The following SEMA3D variants were observed in gnomAD, a reference collection of about 807,000 sequenced individuals.
The protein encoded by SEMA3D is semaphorin 3D, also known as semaphorin-3D.
SEMA3D carries 84 observed loss-of-function variants against 100.1 expected under a neutral mutation model. The observed-to-expected ratio is 0.84, with a 90% CI of 0.70 to 1.01. The LOEUF (loss-of-function observed/expected upper bound fraction) is 1.01. SEMA3D is among the 50% of genes least tolerant of loss of function. SEMA3D has a pLI of 0.00. For missense variants in SEMA3D, 875 were observed against 934.1 expected (o/e 0.94, Z 0.82); for synonymous variants, 312 against 320.7 (o/e 0.97, Z 0.29).
intron 4 of SEMA3D, among the ~76,000 whole-genome samples, chr7:85,085,148 G>A (rs1222968811): frequency 6.6e-6 from 1 of 151,998 alleles, no homozygotes; most frequent in African/African-American, 2.4e-5. Flanking sequence ...GTTTGTTTTA[G>A]ATGATAATCA....
In SEMA3D at chr7:85,055,746, T is replaced by A. The variant is rs750635014; in HGVS notation, c.832A>T (p.Ile278Phe). ...SQEGSTSDKT[I>F]LSRVGRVCKN... is the part of the protein sequence containing the mutation. ...CAAACTCTTCCAACTCGAGAAAGGA[T>A]GGTTTTATCGGAGGTACTGCCTTCT... Residue 278 changes from isoleucine (I) to phenylalanine (F), a missense_variant, in exon 9 of 19, where the codon ATC (isoleucine) becomes TTC (phenylalanine). Coordinates refer to ENST00000284136, the MANE Select transcript of SEMA3D (RefSeq NM_001384900.1). 6.5e-7 allele frequency: 1 copy of A among 1,534,126 alleles called. No homozygotes were observed. Among genetic ancestry groups the A allele is most frequent in the South Asian group, 1.2e-5 (1 of 83,100 alleles).
chr7:85,194,134 T>G, the SEMA3D span, among the ~76,000 whole-genome samples: 7 of 152,176 alleles, frequency 4.6e-5, no homozygotes, highest in Non-Finnish European at 8.8e-5. Flanking sequence ...AAGTAGATGA[T>G]TATGTTATCT....
chr7:85,142,150 G>A, intron 2 of SEMA3D: 2 of 984,436 alleles, frequency 2.0e-6, no homozygotes, highest in Non-Finnish European at 2.4e-6. Context: ...TATCAACATT[G>A]CTGAAAAGGA....
At position 85,173,596 on chromosome 7, in the gene SEMA3D, C is replaced by T. The variant is rs116968733; in HGVS notation, c.-173+13082G>A. On this transcript the variant is annotated intron_variant, in intron 1 of 18. Transcript: ENST00000284136. ...AGTAGATAAAAAATACAAAAGCAGA[C>T]GAATGGAGTGGGAATTCGATCTATT... Among the ~76,000 whole-genome samples, 172 of 152,162 alleles carry T rather than the reference C, an allele frequency of 1.1e-3. 5 individuals are homozygous for T. In the East Asian group the frequency reaches 0.03, roughly 27 times the overall value.
At chr7:85,024,936 G>C (rs188128680) in intron 12 of SEMA3D, among the ~76,000 whole-genome samples, 1 of 152,108 alleles carries the variant, frequency 6.6e-6, no homozygotes. Context: ...AAGTAGGAAA[G>C]AAAAATTTCG....
chr7:85,196,816 T>C, the SEMA3D span, among the ~76,000 whole-genome samples: 1 of 152,072 alleles, frequency 6.6e-6, no homozygotes, highest in Non-Finnish European at 1.5e-5. Flanking sequence ...CAAAAATGAC[T>C]AAAATGAAAA....
At chr7:85,010,403 G>T (rs193119393) in intron 17 of SEMA3D, among the ~76,000 whole-genome samples, 5 of 150,850 alleles carry the variant, frequency 3.3e-5, no homozygotes, top group African/African-American at 1.2e-4. Context: ...AGTAAGTGGG[G>T]TATACAACTA....
chr7:85,040,869 C>A (rs868269242), intron 10 of SEMA3D, 127 bp from the exon 11 acceptor site: 3 of 562,448 alleles, frequency 5.3e-6, no homozygotes, highest in Middle Eastern at 9.6e-4. Flanking sequence ...CTATATTATG[C>A]CTTGAGAAAT....
At chr7:85,236,263 GTATTTTATTT>G in the SEMA3D span, among the ~76,000 whole-genome samples, 11 of 142,226 alleles carry the variant, frequency 7.7e-5, no homozygotes, top group South Asian at 8.5e-4. Flanking sequence ...AGATGATTTA[GTATTTTATTT>G]TATTTTATTT....
chr7:85,135,091 T>C (rs1275580947), intron 2 of SEMA3D, among the ~76,000 whole-genome samples: 2 of 151,952 alleles, frequency 1.3e-5, no homozygotes, highest in Non-Finnish European at 2.9e-5. Flanking sequence ...AATTTGAACT[T>C]TGGAGTCAGA....
chr7:85,198,219 C>T, the SEMA3D span, among the ~76,000 whole-genome samples: 3 of 152,110 alleles, frequency 2.0e-5, no homozygotes, highest in South Asian at 2.1e-4. Flanking sequence ...AGCTTTTTCC[C>T]GTACAGGTTT....
intron 8 of SEMA3D, among the ~76,000 whole-genome samples, chr7:85,057,997 T>A (rs1250946870): frequency 6.6e-6 from 1 of 152,188 alleles, no homozygotes; most frequent in South Asian, 2.1e-4. Context: ...GTCAATATCG[T>A]CTCAGCCTCT....
chr7:85,184,165 A>G (rs765457979), intron 1 of SEMA3D, among the ~76,000 whole-genome samples: 8 of 152,190 alleles, frequency 5.3e-5, no homozygotes, highest in Non-Finnish European at 1.2e-4. Context: ...TGTTCTCCAC[A>G]TGTAAATGAT....
chr7:85,155,905 T>C (rs939452192), intron 1 of SEMA3D, among the ~76,000 whole-genome samples: 2 of 152,128 alleles, frequency 1.3e-5, no homozygotes, highest in Admixed American at 6.6e-5. Flanking sequence ...ATGTCACACT[T>C]ACACAATTCC....
chr7:85,231,140 TTC>T, the SEMA3D span, among the ~76,000 whole-genome samples: 6 of 152,150 alleles, frequency 3.9e-5, no homozygotes, highest in African/African-American at 1.4e-4. Context: ...GTCTCTTCCT[TTC>T]TCTGTCTTAA....
Position 85,082,924 on chromosome 7 carries a change from G to A in SEMA3D, c.313-1345C>T, listed in dbSNP as rs144786733. The stretch of plus-strand genomic sequence containing the variant: ...AGCTAACCTTGATAAGGTACACAAT[G>A]CCGACTAGAAAATGCTATTTATTCA... On this transcript the variant is annotated intron_variant, in intron 4 of 18. Coordinates refer to ENST00000284136, the MANE Select transcript of SEMA3D (RefSeq NM_001384900.1). 2.0e-5 allele frequency among the ~76,000 whole-genome samples: 3 copies of A among 152,248 alleles called. No individual in the cohort carries two copies. The East Asian group carries it at 5.8e-4, about 29-fold the overall frequency.
Position 85,121,945 on chromosome 7 carries a change from A to G in SEMA3D, c.-40-14T>C. 1.8e-6 allele frequency: 2 copies of G among 1,119,926 alleles called. No homozygotes were observed. The highest frequency in any genetic ancestry group is 3.0e-5 in the Admixed American group (1 of 33,238). The allele number at this position is 1,119,926 out of a possible 1,614,324, so 69.4% of individuals were successfully genotyped here. ...TGTTAATTTAATCTAAAAAAGAGTA[A>G]AAAAAAAAAAACTATTAAGGTATCA... On this transcript the variant is annotated splice_polypyrimidine_tract_variant and intron_variant, in intron 2 of 18. Coordinates refer to ENST00000284136, the MANE Select transcript of SEMA3D (RefSeq NM_001384900.1).
At chr7:85,161,126 A>G (rs1361481749) in intron 1 of SEMA3D, among the ~76,000 whole-genome samples, 2 of 152,162 alleles carry the variant, frequency 1.3e-5, no homozygotes, top group African/African-American at 4.8e-5. Flanking sequence ...GAAAATTAAT[A>G]ATAATTCAAA....
intron 3 of SEMA3D, among the ~76,000 whole-genome samples, chr7:85,113,321 C>T (rs749793358): frequency 1.3e-5 from 2 of 152,012 alleles, no homozygotes; most frequent in East Asian, 1.9e-4. Context: ...TGCGAGAATT[C>T]GCCACATGAA....
Sources: gnomAD v4.1 joint callset for allele counts (sites outside exome capture counted in the v4.1 genomes callset) on GRCh38, gnomAD v4.1.1 for gene constraint, MANE v1.5 for transcripts, NCBI Gene and HGNC (gene_info 2026-07-23, HGNC 2026-07-21) for gene names.